The following SLC2A13 variants were observed in gnomAD, a reference collection of about 807,000 sequenced individuals.
SLC2A13 encodes the protein proton myo-inositol cotransporter.
Under a neutral mutation model 64.4 loss-of-function variants are expected in SLC2A13, and 32 were observed. That is an observed-to-expected ratio of 0.50 (90% CI 0.37 to 0.67). The LOEUF (loss-of-function observed/expected upper bound fraction) is 0.67. SLC2A13 is among the 30% of genes least tolerant of loss of function. The probability of loss-of-function intolerance (pLI) is 0.00; values close to 1 mark genes in which losing one functional copy is unlikely to be tolerated. For missense variants in SLC2A13, 743 were observed against 829.2 expected (o/e 0.90, Z 1.28); for synonymous variants, 338 against 327.1 (o/e 1.03, Z -0.36).
chr12:39,854,238 T>C (rs751998765), intron 6 of SLC2A13, among the ~76,000 whole-genome samples: 36 of 152,062 alleles, frequency 2.4e-4, no homozygotes, highest in South Asian at 2.1e-4. Context: ...ATCTGTAAAA[T>C]TGGATAATAA....
chr12:40,011,707 T>C (rs1249407306), intron 3 of SLC2A13, among the ~76,000 whole-genome samples: 1 of 152,142 alleles, frequency 6.6e-6, no homozygotes, highest in East Asian at 1.9e-4. Flanking sequence ...TTTATGTCCA[T>C]GTATACCCGA....
chr12:39,992,188 T>TG (rs1947148935), intron 3 of SLC2A13, among the ~76,000 whole-genome samples: 1 of 151,908 alleles, frequency 6.6e-6, no homozygotes, highest in Admixed American at 6.6e-5. Context: ...TGTGAATGGG[T>TG]GGGGGTCCAA....
At chr12:39,911,180 T>A (rs759599911) in intron 4 of SLC2A13, among the ~76,000 whole-genome samples, 5 of 152,088 alleles carry the variant, frequency 3.3e-5, no homozygotes, top group Non-Finnish European at 5.9e-5. Context: ...GTGTTCCTGC[T>A]AGACACAGCA....
rs112686423 is a variant in SLC2A13 at position 40,096,901 on chromosome 12, G to A, written c.556+8352C>T. On this transcript the variant is annotated intron_variant, in intron 1 of 9. Coordinates refer to ENST00000280871, the MANE Select transcript of SLC2A13 (RefSeq NM_052885.4). ...ACATTAAATACTAATACTAATTTAC[G>A]AAACATTATAGTGACCATATTTCGC... Among the ~76,000 whole-genome samples the A allele has an allele frequency of 6.6e-5, 10 of 152,066 alleles. 1 individual carries two copies. Among genetic ancestry groups the A allele is most frequent in the East Asian group, 1.9e-4 (1 of 5,190 alleles).
chr12:39,971,997 A>AAAAATATATATATATATATAT lies in SLC2A13; in HGVS notation c.926-20633_926-20632insATATATATATATATATATTTT, dbSNP rs1375405006. Among the ~76,000 whole-genome samples the AAAAATATATATATATATATAT allele has an allele frequency of 1.0e-3, 79 of 77,286 alleles. 1 individual carries two copies. Among genetic ancestry groups the AAAAATATATATATATATATAT allele is most frequent in the Non-Finnish European group, 1.4e-3 (56 of 40,246 alleles). 50.7% of individuals were successfully genotyped at this position (77,286 alleles called of 152,430 possible). ...GAGTGTCTCCAGAAAAAAAAAAAAA[A>AAAAATATATATATATATATAT]ATATATATATATATATATTTTTTTT... On this transcript the variant is annotated intron_variant, in intron 3 of 9. Coordinates refer to ENST00000280871, the MANE Select transcript of SLC2A13 (RefSeq NM_052885.4).
intron 3 of SLC2A13, among the ~76,000 whole-genome samples, chr12:39,969,034 T>C (rs1350688685): frequency 6.6e-6 from 1 of 151,958 alleles, no homozygotes; most frequent in Non-Finnish European, 1.5e-5. Context: ...CATCTATGAG[T>C]GAGAACACGT....
At chr12:39,926,817 G>T (rs1471048364) in intron 4 of SLC2A13, among the ~76,000 whole-genome samples, 1 of 152,054 alleles carries the variant, frequency 6.6e-6, no homozygotes, top group Non-Finnish European at 1.5e-5. Context: ...GTCTCCCTTT[G>T]TTGCCCAGGC....
rs1234358353 is a variant in SLC2A13, at chr12:39,896,448, ATG to A, written c.1035-24489_1035-24488del. Among the ~76,000 whole-genome samples the A allele has an allele frequency of 1.0e-3, 122 of 117,242 alleles. 1 individual carries two copies. The highest frequency in any genetic ancestry group is 1.8e-3 in the African/African-American group (57 of 31,662). 76.9% of individuals were successfully genotyped at this position (117,242 alleles called of 152,430 possible). On this transcript the variant is annotated intron_variant, in intron 4 of 9. Transcript: ENST00000280871. ...TGTATATATGTATACATATATGTATATGTGTGTATATATGTATACATATATGT... is the reference window on the plus strand; with the variant it reads ...TGTATATATGTATACATATATGTATATGTGTATATATGTATACATATATGT...
At chr12:39,928,185 C>G (rs1945760522) in intron 4 of SLC2A13, among the ~76,000 whole-genome samples, 1 of 152,050 alleles carries the variant, frequency 6.6e-6, no homozygotes, top group South Asian at 2.1e-4. Context: ...GCTACACATC[C>G]CATACTCTTG....
chr12:39,925,391 A>G (rs548356191), intron 4 of SLC2A13, among the ~76,000 whole-genome samples: 1 of 152,116 alleles, frequency 6.6e-6, no homozygotes, highest in Non-Finnish European at 1.5e-5. Flanking sequence ...AAGATGAACT[A>G]AATGTATTTT....
intron 4 of SLC2A13, among the ~76,000 whole-genome samples, chr12:39,897,535 C>G (rs1365433173): frequency 6.6e-6 from 1 of 152,156 alleles, no homozygotes; most frequent in African/African-American, 2.4e-5. Context: ...TGTAATCGAT[C>G]CCTGTGTGGG....
At chr12:39,907,279 T>C (rs970975373) in intron 4 of SLC2A13, among the ~76,000 whole-genome samples, 6 of 152,108 alleles carry the variant, frequency 3.9e-5, no homozygotes, top group Non-Finnish European at 5.9e-5. Flanking sequence ...TGCAAAATGA[T>C]GAAAGAGAAC....
At chr12:40,101,466 T>C (rs1251267340) in intron 1 of SLC2A13, among the ~76,000 whole-genome samples, 4 of 152,200 alleles carry the variant, frequency 2.6e-5, no homozygotes, top group Non-Finnish European at 4.4e-5. Context: ...TTACCCATCC[T>C]GTAGTAGCCA....
At chr12:39,903,521 C>A (rs868612134) in intron 4 of SLC2A13, among the ~76,000 whole-genome samples, 39 of 152,126 alleles carry the variant, frequency 2.6e-4, no homozygotes, top group African/African-American at 9.4e-4. Context: ...GTGAGGGAAG[C>A]TCATGACAAG....
At chr12:39,853,878 G>C (rs1021019500) in intron 6 of SLC2A13, among the ~76,000 whole-genome samples, 10 of 151,988 alleles carry the variant, frequency 6.6e-5, no homozygotes, top group Admixed American at 2.6e-4. Context: ...CAATTAAATG[G>C]CATGTGTAGT....
intron 3 of SLC2A13, among the ~76,000 whole-genome samples, chr12:40,024,454 C>T (rs1180827613): frequency 6.6e-6 from 1 of 152,206 alleles, no homozygotes; most frequent in Non-Finnish European, 1.5e-5. Context: ...GAACAGTCTT[C>T]CCTCCAGTTC....
chr12:39,941,950 C>T (rs115759830), intron 4 of SLC2A13, among the ~76,000 whole-genome samples: 2,014 of 152,262 alleles, frequency 0.013, 35 homozygotes, highest in African/African-American at 0.046. Flanking sequence ...ATCCCAACAC[C>T]ATCTGTTGAA....
At chr12:39,958,033 C>T (rs1946346899) in intron 3 of SLC2A13, among the ~76,000 whole-genome samples, 3 of 152,204 alleles carry the variant, frequency 2.0e-5, no homozygotes, top group South Asian at 4.1e-4. Context: ...CAGGTACATA[C>T]AAAACAGAAG....
chr12:39,931,149 T>C lies in SLC2A13; in HGVS notation c.1034+20108A>G, dbSNP rs189870238. 3.3e-4 allele frequency among the ~76,000 whole-genome samples: 50 copies of C among 152,310 alleles called. 1 individual carries two copies. The highest frequency in any genetic ancestry group is 3.1e-3 in the Admixed American group (47 of 15,292). The stretch of plus-strand genomic sequence containing the variant: ...ACTAAAATATTCATATTAGAGATAA[T>C]ACTATGTCCAAACATACAGCTTACT... On this transcript the variant is annotated intron_variant, in intron 4 of 9. Transcript: ENST00000280871.
Sources: allele counts gnomAD v4.1 joint callset (sites outside exome capture counted in the v4.1 genomes callset), GRCh38; gene constraint gnomAD v4.1.1; transcripts MANE v1.5; gene names NCBI Gene and HGNC (gene_info 2026-07-23, HGNC 2026-07-21).